Variants in KLRG1 observed in about 807,000 individuals in gnomAD.
KLRG1 encodes the protein killer cell lectin-like receptor subfamily G member 1.
KLRG1 carries 16 observed loss-of-function variants against 21.8 expected under a neutral mutation model. The ratio of observed to expected loss-of-function variants is 0.73; its 90% CI spans 0.50 to 1.11. The LOEUF (loss-of-function observed/expected upper bound fraction) is 1.11. KLRG1 is among the 50% of genes most tolerant of loss of function. The probability of loss-of-function intolerance (pLI) is 0.00; values close to 1 mark genes in which losing one functional copy is unlikely to be tolerated. For missense variants in KLRG1, 173 were observed against 218.3 expected, an observed-to-expected ratio of 0.79 and a Z score of 1.31; for synonymous variants, 69 against 75.9, an observed-to-expected ratio of 0.91 and a Z score of 0.47.
the KLRG1 span, among the ~76,000 whole-genome samples, chr12:9,134,566 T>C: frequency 6.6e-6 from 1 of 151,930 alleles, no homozygotes. Context: ...GATTACAAAC[T>C]CCCCGTTCCC....
the KLRG1 span, among the ~76,000 whole-genome samples, chr12:9,163,149 A>G: frequency 3.9e-5 from 6 of 152,094 alleles, no homozygotes; most frequent in Non-Finnish European, 7.4e-5. Context: ...TATGAGAGAT[A>G]TGTGAATCTT....
chr12:9,077,033 C>T, the KLRG1 span: 401,762 of 1,178,628 alleles, frequency 0.34, 71,645 homozygotes, highest in African/African-American at 0.49. Flanking sequence ...GTTTTTCAAA[C>T]GCATTTTTCC....
the KLRG1 span, chr12:9,200,431 C>G: frequency 6.2e-7 from 1 of 1,610,032 alleles, no homozygotes; most frequent in Non-Finnish European, 8.5e-7. Context: ...TGAACTTTGA[C>G]CTCAAACTTG....
At chr12:9,079,499 G>A in the KLRG1 span, 14 of 1,061,700 alleles carry the variant, frequency 1.3e-5, no homozygotes, top group Non-Finnish European at 1.4e-5. Context: ...AGAGTGGATA[G>A]TTTCCTTGAA....
chr12:9,063,655 A>G, the KLRG1 span, among the ~76,000 whole-genome samples: 1 of 152,190 alleles, frequency 6.6e-6, no homozygotes, highest in Admixed American at 6.5e-5. Flanking sequence ...TTTGAGTGTA[A>G]TACCCCAAAA....
chr12:9,199,497 TC>T, the KLRG1 span, among the ~76,000 whole-genome samples: 5 of 152,138 alleles, frequency 3.3e-5, 1 homozygote, highest in East Asian at 9.6e-4. Flanking sequence ...AATTGTTCTA[TC>T]AAAAAGATCA....
downstream of KLRG1, among the ~76,000 whole-genome samples, chr12:9,011,754 C>T (rs1247251968): frequency 1.3e-5 from 2 of 152,326 alleles, no homozygotes; most frequent in Admixed American, 1.3e-4. Flanking sequence ...TTGCCAATGC[C>T]ACCCCTTCCC....
chr12:9,060,765 C>A, the KLRG1 span, among the ~76,000 whole-genome samples: 2 of 152,136 alleles, frequency 1.3e-5, no homozygotes, highest in Non-Finnish European at 2.9e-5. Flanking sequence ...GGATGCTAAC[C>A]AGATTTTAGA....
chr12:9,150,321 C>G, the KLRG1 span, among the ~76,000 whole-genome samples: 121 of 152,234 alleles, frequency 7.9e-4, no homozygotes, highest in Middle Eastern at 6.8e-3. Context: ...CTCGCACCGT[C>G]ACCTGGGCTG....
chr12:9,123,330 A>T, the KLRG1 span, among the ~76,000 whole-genome samples: 14,983 of 152,210 alleles, frequency 0.098, 941 homozygotes, highest in African/African-American at 0.17. Context: ...AACAAAACTG[A>T]TAATAGAAGA....
chr12:9,015,039 T>G (rs1947680997), downstream of KLRG1, among the ~76,000 whole-genome samples: 1 of 151,964 alleles, frequency 6.6e-6, no homozygotes, highest in Admixed American at 6.6e-5. Context: ...AGCAAGAAAT[T>G]AAAACATACC....
intron 1 of KLRG1, among the ~76,000 whole-genome samples, chr12:8,968,672 G>A (rs999719440): frequency 7.2e-5 from 11 of 152,192 alleles, no homozygotes; most frequent in East Asian, 1.9e-4. Context: ...CTTTTCCAGT[G>A]CACACAGACT....
At chr12:8,998,190 G>A (rs1039850935) in intron 3 of KLRG1, among the ~76,000 whole-genome samples, 11 of 151,984 alleles carry the variant, frequency 7.2e-5, no homozygotes, top group Non-Finnish European at 1.5e-4. Flanking sequence ...TTAGCTAGGC[G>A]TGCTGTTATG....
At chr12:9,170,275 CA>C in the KLRG1 span, among the ~76,000 whole-genome samples, 5 of 152,200 alleles carry the variant, frequency 3.3e-5, no homozygotes, top group African/African-American at 1.2e-4. This position sits in a 1 kb window ranked among gnomAD's most constrained non-coding sequence, Gnocchi z 4.6. Context: ...AGGATCTCTG[CA>C]ACCCATGGAT....
At chr12:9,140,795 C>CA in the KLRG1 span, among the ~76,000 whole-genome samples, 109 of 152,278 alleles carry the variant, frequency 7.2e-4, no homozygotes, top group African/African-American at 2.6e-3. Context: ...AAACCCTGTA[C>CA]AGGGACTGTG....
chr12:9,020,417 A>G, the KLRG1 span, among the ~76,000 whole-genome samples: 14 of 152,148 alleles, frequency 9.2e-5, no homozygotes, highest in Non-Finnish European at 2.1e-4. Context: ...CTGTCCCCTC[A>G]ACACTCATTA....
At chr12:9,042,407 G>T in the KLRG1 span, among the ~76,000 whole-genome samples, 4 of 152,206 alleles carry the variant, frequency 2.6e-5, no homozygotes, top group African/African-American at 4.8e-5. Context: ...TCAGGGTCAA[G>T]ATTTCAAGAT....
the KLRG1 span, among the ~76,000 whole-genome samples, chr12:9,052,445 C>T: frequency 3.3e-5 from 5 of 152,340 alleles, no homozygotes; most frequent in African/African-American, 9.6e-5. Context: ...CGGACAATCA[C>T]GCCATGCTGA....
At chr12:9,169,230 T>A in the KLRG1 span, among the ~76,000 whole-genome samples, 1 of 152,194 alleles carries the variant, frequency 6.6e-6, no homozygotes, top group Non-Finnish European at 1.5e-5. Flanking sequence ...TAGGCAGAGG[T>A]TAGATCTAGC....
Sources: allele counts gnomAD v4.1 joint callset (sites outside exome capture counted in the v4.1 genomes callset), GRCh38; gene constraint gnomAD v4.1.1; non-coding constraint Gnocchi (gnomAD v3.1); transcripts MANE v1.5; gene names NCBI Gene and HGNC (gene_info 2026-07-23, HGNC 2026-07-21).